NECTIN3: variants seen among roughly 807,000 people sequenced by gnomAD.
NECTIN3 encodes the protein nectin cell adhesion molecule 3.
In NECTIN3, 8 loss-of-function variants were observed where a neutral mutation model predicts 49.4. That is an observed-to-expected ratio of 0.16 (90% CI 0.10 to 0.29). NECTIN3 has a LOEUF of 0.29. Among genes scored for constraint, NECTIN3 ranks in the 10% least tolerant of loss-of-function variants. NECTIN3 has a pLI of 1.00. For synonymous variants in NECTIN3, 277 were observed against 241.1 expected (o/e 1.15, Z -1.38); for missense variants, 581 against 654.6 (o/e 0.89, Z 1.23).
chr3:111,179,474 T>C (rs1295530754), intron 7 of NECTIN3, among the ~76,000 whole-genome samples: 3 of 152,126 alleles, frequency 2.0e-5, no homozygotes, highest in Non-Finnish European at 4.4e-5. Flanking sequence ...GCATGTGTGG[T>C]TTGGGAGAAA....
intron 5 of NECTIN3, among the ~76,000 whole-genome samples, chr3:111,127,819 C>T (rs2034228601): frequency 6.6e-6 from 1 of 152,096 alleles, no homozygotes; most frequent in South Asian, 2.1e-4. Context: ...CTGCCCACCT[C>T]AACCTCCTAA....
At chr3:111,109,680 A>G (rs779078598) in intron 1 of NECTIN3, among the ~76,000 whole-genome samples, 28 of 151,992 alleles carry the variant, frequency 1.8e-4, no homozygotes, top group Admixed American at 3.3e-4. Context: ...CTGTTTGTGT[A>G]CTTTCAATTA....
chr3:111,129,170 A>T (rs530851290), intron 5 of NECTIN3, among the ~76,000 whole-genome samples: 2 of 150,236 alleles, frequency 1.3e-5, no homozygotes, highest in South Asian at 4.2e-4. Context: ...AGAGTTCTTT[A>T]CCTCACTTCT....
At chr3:111,108,237 T>G (rs1008973421) in intron 1 of NECTIN3, among the ~76,000 whole-genome samples, 1 of 151,948 alleles carries the variant, frequency 6.6e-6, no homozygotes, top group African/African-American at 2.4e-5. Context: ...TTTTTTTTTT[T>G]TTGTAAATAT....
In NECTIN3 at chr3:111,133,641, C is replaced by G; in HGVS notation, c.1076C>G (p.Pro359Arg). 6.2e-7 allele frequency: 1 copy of G among 1,612,366 alleles called. No individual in the cohort carries two copies. Among genetic ancestry groups the G allele is most frequent in the East Asian group, 2.2e-5 (1 of 44,876 alleles). ...TCTTTACTGTTTCCATTAGATCCTC[C>G]TACTACTACCACCCTTCAGCCTACA... The part of the protein sequence containing the change: ...DQKVIYISDP[P>R]TTTTLQPTIQ... The change falls in exon 6 of 6, where the codon CCT (proline) becomes CGT (arginine). Residue 359 changes from proline (P) to arginine (R), a missense_variant. Transcript: ENST00000485303.
chr3:111,192,846 A>G (rs2035837642), intron 1 of NECTIN3, among the ~76,000 whole-genome samples: 2 of 152,118 alleles, frequency 1.3e-5, no homozygotes, highest in African/African-American at 4.8e-5. Context: ...TATGTCTCAT[A>G]TGTTCATTTC....
At chr3:111,097,801 A>C (rs748142222) in intron 1 of NECTIN3, among the ~76,000 whole-genome samples, 1 of 152,100 alleles carries the variant, frequency 6.6e-6, no homozygotes, top group Non-Finnish European at 1.5e-5. Context: ...TCTTCCCTCC[A>C]TTAAACCTCT....
At chr3:111,159,169 T>G (rs1484293534) in intron 7 of NECTIN3, among the ~76,000 whole-genome samples, 1 of 152,176 alleles carries the variant, frequency 6.6e-6, no homozygotes, top group Admixed American at 6.5e-5. Context: ...TATACTTAAT[T>G]TTATTATTTT....
At chr3:111,123,668 C>A (rs1255505096) in intron 4 of NECTIN3, among the ~76,000 whole-genome samples, 2 of 152,062 alleles carry the variant, frequency 1.3e-5, no homozygotes, top group Non-Finnish European at 2.9e-5. Flanking sequence ...CTCTTGGCCT[C>A]CTTCTAGTTT....
At chr3:111,072,374 C>T (rs2030829521) in intron 1 of NECTIN3, 197 bp downstream of exon 1, 3 of 1,486,520 alleles carry the variant, frequency 2.0e-6, no homozygotes, top group East Asian at 2.5e-5. Flanking sequence ...AATGCTGAGC[C>T]GGCGGCCCGC....
rs567847260 is a variant in NECTIN3, at chr3:111,105,788, C to T, written c.161-6242C>T. Among the ~76,000 whole-genome samples the T allele has an allele frequency of 3.3e-5, 5 of 152,324 alleles. No individual in the cohort carries two copies. In the South Asian group the frequency reaches 6.2e-4, roughly 19 times the overall value. Reference sequence around the variant, plus strand: ...GTTTCTCTGTCCTTGTGCTTCACTTCGTCTACTGCCTCTGAGGGATCAGAA... The same window carrying T: ...GTTTCTCTGTCCTTGTGCTTCACTTTGTCTACTGCCTCTGAGGGATCAGAA... On this transcript the variant is annotated intron_variant, in intron 1 of 5. Coordinates refer to ENST00000485303, the MANE Select transcript of NECTIN3 (RefSeq NM_015480.3).
intron 2 of NECTIN3, among the ~76,000 whole-genome samples, chr3:111,114,413 T>A (rs1320031260): frequency 6.6e-6 from 1 of 152,198 alleles, no homozygotes; most frequent in Non-Finnish European, 1.5e-5. Flanking sequence ...ATTGTTATGT[T>A]GAACATATCT....
At chr3:111,189,881 T>C (rs2035783665), upstream of NECTIN3, among the ~76,000 whole-genome samples, 1 of 152,162 alleles carries the variant, frequency 6.6e-6, no homozygotes, top group Non-Finnish European at 1.5e-5. Flanking sequence ...CATGTGCTCC[T>C]AAACCAATGC....
At chr3:111,072,471 C>T (rs772736701) in intron 1 of NECTIN3, 229 of 1,535,692 alleles carry the variant, frequency 1.5e-4, no homozygotes, top group Non-Finnish European at 2.0e-4. Context: ...GGGTTTGCTC[C>T]GGGGACCGTT....
At chr3:111,139,389 G>A (rs1371655508), downstream of NECTIN3, among the ~76,000 whole-genome samples, 1 of 151,576 alleles carries the variant, frequency 6.6e-6, no homozygotes, top group African/African-American at 2.4e-5. Flanking sequence ...TGCTTCATTT[G>A]TTCTAAATTT....
intron 5 of NECTIN3, among the ~76,000 whole-genome samples, chr3:111,129,882 T>TCAGGCA (rs1047829955): frequency 1.1e-4 from 17 of 151,728 alleles, no homozygotes; most frequent in Non-Finnish European, 2.2e-4. Flanking sequence ...ACTCCTGAGC[T>TCAGGCA]CAGGCAATCC....
chr3:111,176,675 T>C (rs1215650203), intron 7 of NECTIN3, among the ~76,000 whole-genome samples: 2 of 152,134 alleles, frequency 1.3e-5, no homozygotes, highest in Non-Finnish European at 2.9e-5. Flanking sequence ...ATTTTCTTTT[T>C]TTTTTCTTCT....
At position 111,117,888 on chromosome 3, in the gene NECTIN3, T is replaced by A. The variant is rs79642093; in HGVS notation, c.503-768T>A. On this transcript the variant is annotated intron_variant, in intron 2 of 5. Transcript: ENST00000485303. Reference sequence around the variant, plus strand: ...AGGTTCTAACATTGTTACTTTACCCTGCTGAGGAACTTTCTTATATTGGAA... The same window carrying A: ...AGGTTCTAACATTGTTACTTTACCCAGCTGAGGAACTTTCTTATATTGGAA... 1.5e-3 allele frequency among the ~76,000 whole-genome samples: 225 copies of A among 152,212 alleles called. 4 individuals are homozygous for A. In the East Asian group the frequency reaches 0.034, roughly 23 times the overall value.
At chr3:111,147,524 A>T in intron 7 of NECTIN3, 1 of 1,402,232 alleles carries the variant, frequency 7.1e-7, no homozygotes, top group Non-Finnish European at 9.7e-7. Flanking sequence ...TGTAAGATAC[A>T]ATTTAAAAAA....
Sources: gnomAD v4.1 joint callset for allele counts (sites outside exome capture counted in the v4.1 genomes callset) on GRCh38, gnomAD v4.1.1 for gene constraint, MANE v1.5 for transcripts, NCBI Gene and HGNC (gene_info 2026-07-23, HGNC 2026-07-21) for gene names.